The following CACNB2 variants were observed in gnomAD, a reference collection of about 807,000 sequenced individuals.
CACNB2 encodes voltage-dependent L-type calcium channel subunit beta-2.
CACNB2 carries 42 observed loss-of-function variants against 73.3 expected under a neutral mutation model. The observed-to-expected ratio is 0.57, with a 90% CI of 0.45 to 0.74. The LOEUF (loss-of-function observed/expected upper bound fraction) is 0.74, where lower values mean the gene tolerates loss of function less well. Among genes scored for constraint, CACNB2 ranks in the 30% least tolerant of loss-of-function variants. The pLI is 0.00. For missense variants in CACNB2, 940 were observed against 853.0 expected, an observed-to-expected ratio of 1.10 and a Z score of -1.27; for synonymous variants, 348 against 310.3, an observed-to-expected ratio of 1.12 and a Z score of -1.28.
chr10:18,383,983 G>A lies in CACNB2; in HGVS notation c.214-17941G>A, dbSNP rs554429460. 9.2e-5 allele frequency among the ~76,000 whole-genome samples: 14 copies of A among 152,326 alleles called. No individual in the cohort carries two copies. The South Asian group carries it at 2.9e-3, about 32-fold the overall frequency. The stretch of plus-strand genomic sequence containing the variant: ...GGCCTCCCAAAGTGCTGGGATTACA[G>A]GCATGAGCCACCACGCCCAGCCATA... On this transcript the variant is annotated intron_variant, in intron 2 of 13. Transcript: ENST00000324631.
chr10:18,418,058 G>C (rs2045097076), intron 3 of CACNB2, among the ~76,000 whole-genome samples: 1 of 152,018 alleles, frequency 6.6e-6, no homozygotes, highest in South Asian at 2.1e-4. Flanking sequence ...GTGCAGGGTT[G>C]TGGTTTTTTG....
intron 2 of CACNB2, among the ~76,000 whole-genome samples, chr10:18,334,996 T>C (rs898451512): frequency 3.3e-5 from 5 of 152,228 alleles, no homozygotes; most frequent in Admixed American, 2.6e-4. Flanking sequence ...GAAAAATTAT[T>C]TCATAACTAG....
intron 2 of CACNB2, among the ~76,000 whole-genome samples, chr10:18,228,445 A>AAAAAAAAAAAAAAAAAAG (rs1359204235): frequency 6.7e-6 from 1 of 148,160 alleles, no homozygotes; most frequent in African/African-American, 2.5e-5. Flanking sequence ...AAAAAAAAAA[A>AAAAAAAAAAAAAAAAAAG]AAAAGAAAAA....
At chr10:18,184,996 C>T (rs1283525685) in intron 2 of CACNB2, among the ~76,000 whole-genome samples, 2 of 152,052 alleles carry the variant, frequency 1.3e-5, no homozygotes, top group Non-Finnish European at 2.9e-5. Context: ...TGCACCACCA[C>T]GCCTGGCCAA....
At chr10:18,419,486 G>A (rs78188412) in intron 3 of CACNB2, among the ~76,000 whole-genome samples, 3,228 of 152,296 alleles carry the variant, frequency 0.021, 52 homozygotes, top group Non-Finnish European at 0.031. Context: ...TTGGACTAAG[G>A]TTATGAACTA....
intron 3 of CACNB2, among the ~76,000 whole-genome samples, chr10:18,414,754 T>A (rs896217159): frequency 7.4e-5 from 11 of 149,378 alleles, no homozygotes; most frequent in African/African-American, 2.7e-4. Flanking sequence ...GAAGGATTAT[T>A]ATAAATTGCA....
At chr10:18,341,986 ACATGGCTGG>A (rs1419542207) in intron 2 of CACNB2, among the ~76,000 whole-genome samples, 1 of 152,144 alleles carries the variant, frequency 6.6e-6, no homozygotes, top group Non-Finnish European at 1.5e-5. Context: ...TTAGGTTCTG[ACATGGCTGG>A]CAATGTATAC....
chr10:18,319,943 G>T (rs1589032796), intron 2 of CACNB2, among the ~76,000 whole-genome samples: 4 of 152,274 alleles, frequency 2.6e-5, no homozygotes, highest in Admixed American at 2.6e-4. Flanking sequence ...GTGGAGGCCA[G>T]TGGTGAGGAT....
intron 3 of CACNB2, among the ~76,000 whole-genome samples, chr10:18,452,747 G>T (rs150689318): frequency 1.3e-5 from 2 of 152,120 alleles, no homozygotes; most frequent in Non-Finnish European, 2.9e-5. Flanking sequence ...TACCTAGGAT[G>T]ATTTCTATAT....
At chr10:18,267,040 A>G (rs1424548877) in intron 2 of CACNB2, among the ~76,000 whole-genome samples, 2 of 152,212 alleles carry the variant, frequency 1.3e-5, no homozygotes, top group Admixed American at 6.5e-5. Flanking sequence ...GTATGTATAT[A>G]TATCTGTCTC....
intron 2 of CACNB2, among the ~76,000 whole-genome samples, chr10:18,329,562 A>T (rs1284564342): frequency 1.3e-5 from 2 of 151,372 alleles, no homozygotes; most frequent in African/African-American, 2.4e-5. Context: ...ATAATGGGCC[A>T]TTGTAGTCAA....
At chr10:18,304,248 A>G (rs1268680791) in intron 2 of CACNB2, among the ~76,000 whole-genome samples, 1 of 152,034 alleles carries the variant, frequency 6.6e-6, no homozygotes, top group Non-Finnish European at 1.5e-5. Context: ...GAGCCACTTC[A>G]CCCGGCCTAA....
At chr10:18,402,444 G>A (rs2044055338) in intron 3 of CACNB2, among the ~76,000 whole-genome samples, 1 of 147,998 alleles carries the variant, frequency 6.8e-6, no homozygotes, top group African/African-American at 2.5e-5. Flanking sequence ...TCTTAGACTT[G>A]AACAGTTTTT....
At chr10:18,262,108 GA>G in intron 2 of CACNB2, 1 of 479,382 alleles carries the variant, frequency 2.1e-6, no homozygotes, top group Non-Finnish European at 4.2e-6. Context: ...CTGCAGTGCT[GA>G]ATTGCTTAAC....
chr10:18,428,603 T>TA (rs746503664), intron 3 of CACNB2, among the ~76,000 whole-genome samples: 3 of 151,774 alleles, frequency 2.0e-5, no homozygotes, highest in South Asian at 4.2e-4. Context: ...TGAGAATCGC[T>TA]TGAATTCAGG....
At chr10:18,277,041 TG>T (rs2038323999) in intron 2 of CACNB2, among the ~76,000 whole-genome samples, 1 of 152,112 alleles carries the variant, frequency 6.6e-6, no homozygotes, top group Admixed American at 6.5e-5. Context: ...CTCTTGAGCC[TG>T]GGAGGTCGAG....
intron 2 of CACNB2, chr10:18,401,122 T>C: frequency 6.2e-7 from 1 of 1,614,064 alleles, no homozygotes; most frequent in Non-Finnish European, 8.5e-7. Flanking sequence ...GGCTTTCGTT[T>C]GTGGGGAGAG....
intron 2 of CACNB2, among the ~76,000 whole-genome samples, chr10:18,344,782 T>C (rs934928775): frequency 6.6e-6 from 1 of 152,108 alleles, no homozygotes; most frequent in Non-Finnish European, 1.5e-5. Flanking sequence ...AATAAAATAA[T>C]AAAATAAAAT....
At chr10:18,250,932 G>A (rs1243161070) in intron 2 of CACNB2, among the ~76,000 whole-genome samples, 4 of 152,244 alleles carry the variant, frequency 2.6e-5, no homozygotes, top group Non-Finnish European at 4.4e-5. Flanking sequence ...AGGAAAAGCC[G>A]TTTGCTTTAA....
Sources: allele counts gnomAD v4.1 joint callset (sites outside exome capture counted in the v4.1 genomes callset), GRCh38; gene constraint gnomAD v4.1.1; transcripts MANE v1.5; gene names NCBI Gene and HGNC (gene_info 2026-07-23, HGNC 2026-07-21).